Variants in CAMK2D observed in about 807,000 individuals in gnomAD.
CAMK2D encodes calcium/calmodulin dependent protein kinase II delta.
Under a neutral mutation model 84.0 loss-of-function variants are expected in CAMK2D, and 37 were observed. That is an observed-to-expected ratio of 0.44 (90% CI 0.34 to 0.58). The LOEUF is 0.58. CAMK2D is among the 20% of genes least tolerant of loss of function. CAMK2D has a pLI of 0.02. For missense variants in CAMK2D, 448 were observed against 652.5 expected (o/e 0.69, Z 3.41); for synonymous variants, 202 against 212.5 (o/e 0.95, Z 0.43).
At chr4:113,626,775 G>T (rs2099069943) in intron 3 of CAMK2D, among the ~76,000 whole-genome samples, 1 of 152,074 alleles carries the variant, frequency 6.6e-6, no homozygotes, top group Non-Finnish European at 1.5e-5. Flanking sequence ...CAATCCACCA[G>T]CATCTAACTT....
chr4:113,732,860 A>C (rs559318161), intron 2 of CAMK2D, among the ~76,000 whole-genome samples: 1 of 152,282 alleles, frequency 6.6e-6, no homozygotes, highest in Non-Finnish European at 1.5e-5. Flanking sequence ...CAAAATATAT[A>C]TATATTAGGA....
chr4:113,482,893 A>G (rs2097718693), intron 16 of CAMK2D, among the ~76,000 whole-genome samples: 1 of 152,246 alleles, frequency 6.6e-6, no homozygotes, highest in Non-Finnish European at 1.5e-5. Flanking sequence ...AAATCATAGC[A>G]ATGCCAATAC....
intron 3 of CAMK2D, among the ~76,000 whole-genome samples, chr4:113,628,924 C>T (rs1011208654): frequency 4.0e-4 from 61 of 151,930 alleles, no homozygotes; most frequent in African/African-American, 1.3e-3. Context: ...CTTCAAGTTG[C>T]CAGTAATACA....
chr4:113,685,996 G>A (rs1486981945), intron 2 of CAMK2D, among the ~76,000 whole-genome samples: 4 of 151,898 alleles, frequency 2.6e-5, no homozygotes, highest in South Asian at 2.1e-4. Context: ...CCTGGGAGGC[G>A]GAGATTGCAG....
At chr4:113,709,748 TA>T (rs1179769024) in intron 2 of CAMK2D, among the ~76,000 whole-genome samples, 1 of 66,058 alleles carries the variant, frequency 1.5e-5, no homozygotes, top group Admixed American at 1.5e-4. Context: ...CCGTGAACGA[TA>T]TATATATATA....
chr4:113,679,596 G>A (rs545920495), intron 2 of CAMK2D: 8 of 189,180 alleles, frequency 4.2e-5, no homozygotes, highest in Non-Finnish European at 7.8e-5. Flanking sequence ...TTTTAAAAAC[G>A]CTGAATTGAG....
intron 3 of CAMK2D, among the ~76,000 whole-genome samples, chr4:113,646,849 TAATCCTGTTAAAATTA>T (rs2099154058): frequency 6.6e-6 from 1 of 152,186 alleles, no homozygotes; most frequent in African/African-American, 2.4e-5. Flanking sequence ...GTAGCCAGAG[TAATCCTGTTAAAATTA>T]AATCGGATAT....
chr4:113,704,444 T>C (rs571052840), intron 2 of CAMK2D, among the ~76,000 whole-genome samples: 1 of 151,910 alleles, frequency 6.6e-6, no homozygotes, highest in Non-Finnish European at 1.5e-5. Flanking sequence ...TATCCCAAAT[T>C]CATTTTATTT....
At chr4:113,468,249 G>T (rs1014795364) in intron 16 of CAMK2D, among the ~76,000 whole-genome samples, 2 of 152,108 alleles carry the variant, frequency 1.3e-5, no homozygotes, top group African/African-American at 4.8e-5. Flanking sequence ...CTGGCTTAAG[G>T]GTTGTCCTGC....
intron 14 of CAMK2D, among the ~76,000 whole-genome samples, chr4:113,504,698 A>G (rs1455727865): frequency 6.6e-6 from 1 of 152,116 alleles, no homozygotes; most frequent in East Asian, 1.9e-4. Context: ...CAGTAATTCC[A>G]ACTACAGAGA....
At chr4:113,510,952 T>TAAATC (rs1384783447) in intron 12 of CAMK2D, among the ~76,000 whole-genome samples, 1 of 152,266 alleles carries the variant, frequency 6.6e-6, no homozygotes, top group East Asian at 1.9e-4. Context: ...AAAGCAGTAT[T>TAAATC]AAATCAATCC....
At chr4:113,485,930 C>T (rs1272116594) in intron 16 of CAMK2D, among the ~76,000 whole-genome samples, 5 of 152,282 alleles carry the variant, frequency 3.3e-5, no homozygotes, top group East Asian at 1.9e-4. Context: ...TTTCTCCTCT[C>T]GCACCTTCTT....
intron 2 of CAMK2D, among the ~76,000 whole-genome samples, chr4:113,751,303 C>CA (rs1308141189): frequency 9.2e-5 from 14 of 152,050 alleles, no homozygotes; most frequent in African/African-American, 3.4e-4. Flanking sequence ...ATTTCCTCAA[C>CA]AAAACATCAA....
At chr4:113,592,808 C>T (rs1242723139) in intron 4 of CAMK2D, among the ~76,000 whole-genome samples, 9 of 152,188 alleles carry the variant, frequency 5.9e-5, no homozygotes, top group Admixed American at 5.2e-4. Context: ...TTTTCAAATC[C>T]AAACCATTTA....
chr4:113,623,983 T>A (rs1003233255), intron 3 of CAMK2D, among the ~76,000 whole-genome samples: 1 of 152,110 alleles, frequency 6.6e-6, no homozygotes, highest in African/African-American at 2.4e-5. Context: ...TAACTGATAA[T>A]CTATTGTTTC....
chr4:113,498,208 G>C (rs1590202761), intron 16 of CAMK2D, among the ~76,000 whole-genome samples: 1 of 152,264 alleles, frequency 6.6e-6, no homozygotes, highest in Admixed American at 6.5e-5. Context: ...CACATATAGG[G>C]TCTTTCTTGA....
chr4:113,507,316 T>G (rs1226184964), intron 13 of CAMK2D, among the ~76,000 whole-genome samples: 4 of 152,016 alleles, frequency 2.6e-5, no homozygotes, highest in African/African-American at 9.7e-5. Flanking sequence ...CATGGCGCGA[T>G]CTCGGCTCAC....
At chr4:113,704,164 G>A (rs1377073143) in intron 2 of CAMK2D, among the ~76,000 whole-genome samples, 1 of 151,860 alleles carries the variant, frequency 6.6e-6, no homozygotes, top group Non-Finnish European at 1.5e-5. Flanking sequence ...TGAAATTTAA[G>A]TATTTTCTAT....
intron 16 of CAMK2D, among the ~76,000 whole-genome samples, chr4:113,499,058 G>GAAAC (rs1156676134): frequency 1.1e-4 from 17 of 152,236 alleles, no homozygotes; most frequent in African/African-American, 4.1e-4. Flanking sequence ...AAATTCATAT[G>GAAAC]AAACATTTAG....
Sources: gnomAD v4.1 joint callset for allele counts (sites outside exome capture counted in the v4.1 genomes callset) on GRCh38, gnomAD v4.1.1 for gene constraint, MANE v1.5 for transcripts, NCBI Gene and HGNC (gene_info 2026-07-23, HGNC 2026-07-21) for gene names.